The following KIF20B variants were observed in gnomAD, a reference collection of about 807,000 sequenced individuals.
KIF20B encodes kinesin family member 20B, also known as kinesin-like protein KIF20B.
Under a neutral mutation model 232.5 loss-of-function variants are expected in KIF20B, and 188 were observed. The observed-to-expected ratio is 0.81, with a 90% CI of 0.72 to 0.91. The LOEUF is 0.91. Among genes scored for constraint, KIF20B ranks in the 40% least tolerant of loss-of-function variants. KIF20B has a pLI of 0.00. For missense variants in KIF20B, 2,154 were observed against 2,055.9 expected (o/e 1.05, Z -0.92); for synonymous variants, 712 against 683.0 (o/e 1.04, Z -0.66).
In KIF20B at chr10:89,718,776, T is replaced by TA. The variant is rs769850734; in HGVS notation, c.1341dup (p.Gly448ArgfsTer17). ...ACTATTTTCAAAGTTTTTTTAATGG[T>TA]AAAGGGAAAATTTGTATGATTGTCA... On this transcript the variant is annotated frameshift_variant, in exon 12 of 33. Transcript: ENST00000371728. LOFTEE classifies it high-confidence loss of function. 3 of 1,611,730 alleles carry TA rather than the reference T, an allele frequency of 1.9e-6. No homozygotes were observed. In the South Asian group the frequency reaches 3.3e-5, roughly 18 times the overall value.
In KIF20B at chr10:89,774,759, A is replaced by G. The variant is rs146256523; in HGVS notation, c.*711A>G. ...TTGATTATAGTCACTCTATTGTGCT[A>G]TCAGATAGTAGATCATTCTTTTTAT... On this transcript the variant is annotated 3_prime_UTR_variant, in exon 33 of 33. Transcript: ENST00000371728. 21 of 152,126 alleles carry G rather than the reference A, an allele frequency of 1.4e-4. No individual in the cohort carries two copies. The highest frequency in any genetic ancestry group is 4.8e-4 in the African/African-American group (20 of 41,546). 9.4% of individuals were successfully genotyped at this position (152,126 alleles called of 1,614,324 possible). A position where few individuals can be genotyped will look rare whatever the true frequency, so the allele number is the denominator to read the frequency against.
chr10:89,758,868 G>A lies in KIF20B; in HGVS notation c.4666G>A (p.Glu1556Lys), dbSNP rs1842184205. 6.4e-7 allele frequency: 1 copy of A among 1,566,062 alleles called. No homozygotes were observed. Among genetic ancestry groups the A allele is most frequent in the East Asian group, 2.3e-5 (1 of 43,034 alleles). Residue 1556 changes from glutamate (E) to lysine (K), a missense_variant, in exon 27 of 33, where the codon GAG (glutamate) becomes AAG (lysine). Transcript: ENST00000371728. ...TGAACAACTAAAAAGGATCATATCAGAGACTTCTAAAATAGTCAGTAGTCT... is the reference window on the plus strand; with the variant it reads ...TGAACAACTAAAAAGGATCATATCAAAGACTTCTAAAATAGTCAGTAGTCT... ...EIEQLKRIIS[E>K]TSKIETQIMD...
chr10:89,738,554 A>G lies in KIF20B; in HGVS notation c.3713A>G (p.Asp1238Gly). 6.3e-7 allele frequency: 1 copy of G among 1,585,080 alleles called. No homozygotes were observed. Among genetic ancestry groups the G allele is most frequent in the Non-Finnish European group, 8.6e-7 (1 of 1,169,526 alleles). The change falls in exon 20 of 33, where the codon GAT (aspartate) becomes GGT (glycine). Residue 1238 changes from aspartate (D) to glycine (G), a missense_variant. Coordinates refer to ENST00000371728, the MANE Select transcript of KIF20B (RefSeq NM_001284259.2). ...ACACAGTTAACAAATAATTTGCAAG[A>G]TATGAAACATTTACTTCAATTAAAA... ...EITQLTNNLQ[D>G]MKHLLQLKEE...
chr10:89,748,254 C>T (rs1175293937), intron 23 of KIF20B, among the ~76,000 whole-genome samples: 1 of 152,246 alleles, frequency 6.6e-6, no homozygotes, highest in Non-Finnish European at 1.5e-5. Flanking sequence ...AGGTGATCCA[C>T]CCGCCTTGGC....
intron 19 of KIF20B, among the ~76,000 whole-genome samples, chr10:89,737,004 G>A (rs1288082072): frequency 1.3e-5 from 2 of 152,084 alleles, no homozygotes; most frequent in African/African-American, 4.8e-5. Context: ...GATATGGAAT[G>A]TCTGCCTAGG....
chr10:89,774,085 C>T lies in KIF20B; in HGVS notation c.*37C>T, dbSNP rs1842522087. The T allele has an allele frequency of 1.5e-6, 2 of 1,324,360 alleles. No individual in the cohort carries two copies. Among genetic ancestry groups the T allele is most frequent in the African/African-American group, 1.5e-5 (1 of 68,300 alleles). The allele number at this position is 1,324,360 out of a possible 1,614,324, so 82.0% of individuals were successfully genotyped here. A position where few individuals can be genotyped will look rare whatever the true frequency, so the allele number is the denominator to read the frequency against. ...AAATGTTTAATATAAATTTTATAGT[C>T]ATAGTCATTGGAACTTGCATCCTGT... is the stretch of plus-strand genomic sequence containing the variant. On this transcript the variant is annotated 3_prime_UTR_variant, in exon 33 of 33. Transcript: ENST00000371728.
chr10:89,707,190 A>G (rs1842740864), intron 2 of KIF20B, among the ~76,000 whole-genome samples: 1 of 152,168 alleles, frequency 6.6e-6, no homozygotes, highest in Admixed American at 6.5e-5. Flanking sequence ...TTTAGGCATA[A>G]TGAAACACTG....
chr10:89,715,246 G>C (rs534951651), intron 8 of KIF20B, 64 bp downstream of exon 8: 3 of 985,416 alleles, frequency 3.0e-6, no homozygotes, highest in South Asian at 3.0e-5. Context: ...TGTGATAGCT[G>C]TAAGACTAAA....
At chr10:89,702,039 G>A (rs915686342) in intron 1 of KIF20B, among the ~76,000 whole-genome samples, 2 of 152,188 alleles carry the variant, frequency 1.3e-5, no homozygotes, top group Non-Finnish European at 2.9e-5. Flanking sequence ...AATGTGTAAA[G>A]TTATTAGTGC....
chr10:89,760,881 A>C (rs1044702087), intron 28 of KIF20B, among the ~76,000 whole-genome samples: 5 of 152,202 alleles, frequency 3.3e-5, no homozygotes, highest in African/African-American at 1.2e-4. Flanking sequence ...TGATGGTCAG[A>C]AATAGGAAAT....
chr10:89,713,686 A>G (rs1252571597), intron 6 of KIF20B, among the ~76,000 whole-genome samples: 2 of 152,210 alleles, frequency 1.3e-5, no homozygotes, highest in African/African-American at 2.4e-5. Flanking sequence ...ATAATAAGGG[A>G]ATAATTAAGT....
Position 89,712,786 on chromosome 10 carries a change from T to C in KIF20B, c.676-1261T>C, listed in dbSNP as rs1564657995. 2.0e-5 allele frequency among the ~76,000 whole-genome samples: 3 copies of C among 152,246 alleles called. No homozygotes were observed. The South Asian group carries it at 6.2e-4, about 32-fold the overall frequency. ...TTATTCCTCTTGTGCCTTCTGGATT[T>C]TGTAGTATATTTTCAGACATTATTC... is the stretch of plus-strand genomic sequence containing the variant. On this transcript the variant is annotated intron_variant, in intron 6 of 32. Coordinates refer to ENST00000371728, the MANE Select transcript of KIF20B (RefSeq NM_001284259.2).
At chr10:89,737,180 G>C (rs1044826709) in intron 19 of KIF20B, among the ~76,000 whole-genome samples, 1 of 151,686 alleles carries the variant, frequency 6.6e-6, no homozygotes, top group Non-Finnish European at 1.5e-5. Flanking sequence ...GTATTACCTT[G>C]TGAAATAATA....
Position 89,737,857 on chromosome 10 carries a change from T to G in KIF20B, c.3016T>G (p.Leu1006Val). 6.2e-7 allele frequency: 1 copy of G among 1,613,546 alleles called. No individual in the cohort carries two copies. Among genetic ancestry groups the G allele is most frequent in the African/African-American group, 1.3e-5 (1 of 75,036 alleles). Residue 1006 changes from leucine to valine, a missense_variant, in exon 20 of 33, where the codon TTG (leucine) becomes GTG (valine). Transcript: ENST00000371728. The part of the protein sequence containing the change: ...DSVSQISNID[L>V]LNLRDLSNGS... ...AGTTTCTCAGATTTCAAACATAGAT[T>G]TGCTCAATCTCAGGGATCTGTCAAA... is the stretch of plus-strand genomic sequence containing the variant.
At chr10:89,721,412 C>A (rs1009677875) in intron 13 of KIF20B, among the ~76,000 whole-genome samples, 2 of 152,130 alleles carry the variant, frequency 1.3e-5, no homozygotes, top group Admixed American at 1.3e-4. Flanking sequence ...TGGCTCACAC[C>A]TGTAATTCGA....
intron 17 of KIF20B, among the ~76,000 whole-genome samples, chr10:89,728,907 G>GTT (rs1485549943): frequency 5.8e-4 from 38 of 65,556 alleles, no homozygotes; most frequent in Non-Finnish European, 3.1e-5. Flanking sequence ...TTTTTTCTTT[G>GTT]TGTGTGTGTG....
chr10:89,741,913 T>A (rs1841802892), intron 21 of KIF20B, among the ~76,000 whole-genome samples: 2 of 152,200 alleles, frequency 1.3e-5, no homozygotes, highest in African/African-American at 4.8e-5. Flanking sequence ...AGGGACAGTG[T>A]TTGTGTTCAA....
At chr10:89,720,859 C>G (rs1025802439) in intron 13 of KIF20B, among the ~76,000 whole-genome samples, 1 of 152,120 alleles carries the variant, frequency 6.6e-6, no homozygotes. Context: ...GCATGCGTAA[C>G]CATACCCAGT....
chr10:89,722,763 C>CAGTT (rs77529327), intron 13 of KIF20B, among the ~76,000 whole-genome samples: 49,458 of 148,914 alleles, frequency 0.33, 8,909 homozygotes, highest in East Asian at 0.57. Flanking sequence ...TTGTTTTACT[C>CAGTT]AGAAAGTATG....
Sources: allele counts gnomAD v4.1 joint callset (sites outside exome capture counted in the v4.1 genomes callset), GRCh38; gene constraint gnomAD v4.1.1; transcripts MANE v1.5; gene names NCBI Gene and HGNC (gene_info 2026-07-23, HGNC 2026-07-21).